RBM26: variants seen among roughly 807,000 people sequenced by gnomAD.
RBM26 encodes RNA-binding protein 26.
A neutral mutation model predicts 123.6 loss-of-function variants in RBM26; 30 were observed. That is an observed-to-expected ratio of 0.24 (90% CI 0.18 to 0.33). The LOEUF is 0.33. Among genes scored for constraint, RBM26 ranks in the 10% least tolerant of loss-of-function variants. The pLI, the probability that RBM26 is intolerant of heterozygous loss-of-function variation, is 1.00. For synonymous variants in RBM26, 400 were observed against 404.4 expected, an observed-to-expected ratio of 0.99 and a Z score of 0.13; for missense variants, 947 against 1,203.6, an observed-to-expected ratio of 0.79 and a Z score of 3.15.
At chr13:79,360,534 T>C (rs2074554265) in intron 9 of RBM26, among the ~76,000 whole-genome samples, 1 of 151,976 alleles carries the variant, frequency 6.6e-6, no homozygotes, top group Non-Finnish European at 1.5e-5. Context: ...AATAATCACT[T>C]TGAGGCTTTA....
chr13:79,357,713 T>C (rs564804811), intron 11 of RBM26, among the ~76,000 whole-genome samples: 4 of 152,290 alleles, frequency 2.6e-5, no homozygotes, highest in African/African-American at 4.8e-5. Flanking sequence ...CTGAAAACTA[T>C]TGTAAGATTG....
intron 1 of RBM26, 64 bp from the exon 2 acceptor site, chr13:79,378,971 C>CA: frequency 1.0e-6 from 1 of 981,634 alleles, no homozygotes; most frequent in Non-Finnish European, 1.6e-6. Context: ...ATTCCAGTTA[C>CA]AAACTGAATT....
chr13:79,318,844 C>T (rs1311518832), downstream of RBM26: 16 of 977,450 alleles, frequency 1.6e-5, no homozygotes, highest in Non-Finnish European at 1.9e-5. Context: ...AGAGAAGAAA[C>T]GTGAGCCTCT....
At chr13:79,324,996 A>G (rs1323009198) in intron 20 of RBM26, among the ~76,000 whole-genome samples, 1 of 152,070 alleles carries the variant, frequency 6.6e-6, no homozygotes, top group Non-Finnish European at 1.5e-5. Flanking sequence ...GACTATATAC[A>G]AAAGTGGTCC....
At chr13:79,368,535 C>T (rs2075569456) in intron 6 of RBM26, among the ~76,000 whole-genome samples, 195 bp downstream of exon 6, 1 of 152,164 alleles carries the variant, frequency 6.6e-6, no homozygotes, top group Non-Finnish European at 1.5e-5. Context: ...CAAATAAATA[C>T]TACCTTTAAA....
rs1566468729 is a variant in RBM26, at chr13:79,366,089, C to T, written c.1242G>A (p.Gln414=). ...AAAGAGAGGGTGGAGCAGGAGGAGG[C>T]TGGTGATGAATGCCAGTTGTTACTA... ...PTVVTTGIHH[Q]PPPAPPSLFT... is the part of the protein sequence containing the mutation. Residue 414 remains glutamine, a synonymous_variant, in exon 8 of 22, where the codon CAG becomes CAA. Transcript: ENST00000438737. 1 of 1,614,012 alleles carries T rather than the reference C, an allele frequency of 6.2e-7. No individual in the cohort carries two copies. The highest frequency in any genetic ancestry group is 1.3e-5 in the African/African-American group (1 of 75,008).
At chr13:79,394,206 A>C (rs1249028532) in intron 1 of RBM26, among the ~76,000 whole-genome samples, 1 of 152,088 alleles carries the variant, frequency 6.6e-6, no homozygotes, top group African/African-American at 2.4e-5. Flanking sequence ...CTAGCTCCTT[A>C]CGACTTACCA....
chr13:79,384,604 A>G (rs1364716755), intron 1 of RBM26, among the ~76,000 whole-genome samples: 1 of 152,142 alleles, frequency 6.6e-6, no homozygotes, highest in East Asian at 1.9e-4. Flanking sequence ...TTCCAGCTTC[A>G]TGCATACCCT....
intron 10 of RBM26, among the ~76,000 whole-genome samples, chr13:79,358,645 G>T (rs7995243): frequency 0.48 from 73,200 of 151,938 alleles, 18,174 homozygotes; most frequent in East Asian, 0.72. Flanking sequence ...CAACTGAGAA[G>T]GGTTCTGCCA....
At chr13:79,400,760 G>T (rs572088505) in intron 1 of RBM26, among the ~76,000 whole-genome samples, 2 of 152,126 alleles carry the variant, frequency 1.3e-5, no homozygotes, top group South Asian at 2.1e-4. Flanking sequence ...TGTTATACAC[G>T]CATAGGGCAA....
intron 3 of RBM26, 107 bp from the exon 4 acceptor site, chr13:79,372,037 T>G: frequency 1.3e-6 from 1 of 743,364 alleles, no homozygotes; most frequent in Non-Finnish European, 2.2e-6. Context: ...TGCCAGCACT[T>G]TGGGAGGCTG....
intron 17 of RBM26, among the ~76,000 whole-genome samples, chr13:79,341,603 A>G (rs1254831275): frequency 6.6e-6 from 1 of 151,880 alleles, no homozygotes; most frequent in Non-Finnish European, 1.5e-5. Context: ...CTACATTCAT[A>G]TATTTACAAA....
chr13:79,403,314 C>T (rs2140595476), intron 1 of RBM26, among the ~76,000 whole-genome samples: 1 of 152,268 alleles, frequency 6.6e-6, no homozygotes, highest in East Asian at 1.9e-4. Context: ...CTAGGCTCTA[C>T]TAGCAGAGCC....
In RBM26 at chr13:79,406,254, T is replaced by C. The variant is rs2079509261; in HGVS notation, c.-480A>G. On this transcript the variant is annotated 5_prime_UTR_variant, in exon 1 of 22. Transcript: ENST00000438737. ...TGGCTGCCGGTAAATCTCGCGAGAA[T>C]TGATGAAGTCTCGCGGTGGCTCCCG... 6.6e-6 allele frequency: 1 copy of C among 152,550 alleles called. No homozygotes were observed. Among genetic ancestry groups the C allele is most frequent in the Non-Finnish European group, 1.5e-5 (1 of 68,330 alleles). 9.4% of individuals were successfully genotyped at this position (152,550 alleles called of 1,614,324 possible). A position where few individuals can be genotyped will look rare whatever the true frequency, so the allele number is the denominator to read the frequency against.
At chr13:79,349,760 C>G (rs1409316642) in intron 14 of RBM26, among the ~76,000 whole-genome samples, 2 of 150,342 alleles carry the variant, frequency 1.3e-5, no homozygotes, top group Non-Finnish European at 3.0e-5. Flanking sequence ...GGTGCAGTGG[C>G]GCCATCTCGG....
chr13:79,396,838 C>A (rs73566422), intron 1 of RBM26, among the ~76,000 whole-genome samples: 8,632 of 152,148 alleles, frequency 0.057, 478 homozygotes, highest in African/African-American at 0.14. Flanking sequence ...ATGTAATACA[C>A]CATATTAACA....
chr13:79,319,029 C>T lies in RBM26; in HGVS notation c.*1592G>A. ...AAGTCACTATTTTGACAACTGAAAT[C>T]TGATTTTGAAATTTTAAATATAAAC... is the stretch of plus-strand genomic sequence containing the variant. On this transcript the variant is annotated 3_prime_UTR_variant, in exon 22 of 22. Coordinates refer to ENST00000438737, the MANE Select transcript of RBM26 (RefSeq NM_001366735.2). The T allele has an allele frequency of 4.1e-6, 4 of 983,702 alleles. No individual in the cohort carries two copies. The highest frequency in any genetic ancestry group is 4.8e-6 in the Non-Finnish European group (4 of 828,640). 60.9% of individuals were successfully genotyped at this position (983,702 alleles called of 1,614,324 possible). A position where few individuals can be genotyped will look rare whatever the true frequency, so the allele number is the denominator to read the frequency against.
At chr13:79,383,796 A>T (rs1355315973) in intron 1 of RBM26, among the ~76,000 whole-genome samples, 1 of 152,216 alleles carries the variant, frequency 6.6e-6, no homozygotes, top group Non-Finnish European at 1.5e-5. Context: ...GAAAGGAAGA[A>T]AGGTAAGGAG....
chr13:79,382,265 C>A (rs1421528526), intron 1 of RBM26, among the ~76,000 whole-genome samples: 1 of 151,982 alleles, frequency 6.6e-6, no homozygotes, highest in Non-Finnish European at 1.5e-5. Context: ...CCATGGCTAG[C>A]AAGATTGTTC....
Sources: allele counts gnomAD v4.1 joint callset (sites outside exome capture counted in the v4.1 genomes callset), GRCh38; gene constraint gnomAD v4.1.1; transcripts MANE v1.5; gene names NCBI Gene and HGNC (gene_info 2026-07-23, HGNC 2026-07-21).